Variants in PIAS1 observed in about 807,000 individuals in gnomAD.
The protein encoded by PIAS1 is E3 SUMO-protein ligase PIAS1.
Under a neutral mutation model 71.3 loss-of-function variants are expected in PIAS1, and 6 were observed. That is an observed-to-expected ratio of 0.08 (90% CI 0.05 to 0.17). The LOEUF (loss-of-function observed/expected upper bound fraction) is 0.17, where lower values mean the gene tolerates loss of function less well. Among genes scored for constraint, PIAS1 ranks in the 10% least tolerant of loss-of-function variants. The pLI, the probability that PIAS1 is intolerant of heterozygous loss-of-function variation, is 1.00. For missense variants in PIAS1, 555 were observed against 793.6 expected (o/e 0.70, Z 3.61); for synonymous variants, 303 against 292.9 (o/e 1.03, Z -0.35).
intron 1 of PIAS1, among the ~76,000 whole-genome samples, chr15:68,076,782 TATC>T (rs528688664): frequency 1.3e-5 from 2 of 152,176 alleles, no homozygotes; most frequent in African/African-American, 4.8e-5. Flanking sequence ...GAGGAATTCA[TATC>T]ATCATCTGTT....
chr15:68,086,778 T>C lies in PIAS1; in HGVS notation c.469+28T>C, dbSNP rs1000578288. Reference sequence around the variant, plus strand: ...AAGATTATTGTATGATAGTATTTGGTTACTTTTGCAGGATGAATTTTCGTT... The same window carrying C: ...AAGATTATTGTATGATAGTATTTGGCTACTTTTGCAGGATGAATTTTCGTT... On this transcript the variant is annotated intron_variant, in intron 2 of 13. Coordinates refer to ENST00000249636, the MANE Select transcript of PIAS1 (RefSeq NM_016166.3). This position sits in a 1 kb window ranked among gnomAD's most constrained non-coding sequence, Gnocchi z 7.2. 6 of 1,462,756 alleles carry C rather than the reference T, an allele frequency of 4.1e-6. No individual in the cohort carries two copies. The Admixed American group carries it at 5.4e-5, about 13-fold the overall frequency. The allele number at this position is 1,462,756 out of a possible 1,614,324, so 90.6% of individuals were successfully genotyped here.
chr15:68,069,599 G>A (rs2092070119), intron 1 of PIAS1, among the ~76,000 whole-genome samples: 1 of 152,022 alleles, frequency 6.6e-6, no homozygotes, highest in Admixed American at 6.6e-5. Context: ...TCAGGAGATC[G>A]AGACCATCCC....
intron 2 of PIAS1, among the ~76,000 whole-genome samples, chr15:68,106,211 C>T (rs1293653568): frequency 2.6e-5 from 4 of 151,058 alleles, no homozygotes; most frequent in Non-Finnish European, 5.9e-5. Flanking sequence ...TCATTTGCAC[C>T]CAGGGTTGGA....
chr15:68,192,998 G>C lies in PIAS1; in HGVS notation c.*5163G>C, dbSNP rs1595806743. The C allele has an allele frequency of 6.6e-6, 1 of 152,294 alleles. No individual in the cohort carries two copies. The highest frequency in any genetic ancestry group is 2.1e-4 in the South Asian group (1 of 4,832). The allele number at this position is 152,294 out of a possible 1,614,324, so 9.4% of individuals were successfully genotyped here. A position where few individuals can be genotyped will look rare whatever the true frequency, so the allele number is the denominator to read the frequency against. ...CTTCTAGCTGTGTAACTCACTCAAA[G>C]CCACTCCAGCTGGATGGACTCCCAG... On this transcript the variant is annotated 3_prime_UTR_variant, in exon 14 of 14. Coordinates refer to ENST00000249636, the MANE Select transcript of PIAS1 (RefSeq NM_016166.3).
At chr15:68,066,325 T>A (rs1041801418) in intron 1 of PIAS1, among the ~76,000 whole-genome samples, 2 of 151,996 alleles carry the variant, frequency 1.3e-5, no homozygotes, top group Non-Finnish European at 2.9e-5. Context: ...GCCAGGCTGG[T>A]CTTGAACTGC....
At position 68,173,798 on chromosome 15, in the gene PIAS1, G is replaced by A. The variant is rs1188255634; in HGVS notation, c.1075G>A (p.Ala359Thr). 1.3e-6 allele frequency: 2 copies of A among 1,598,004 alleles called. No individual in the cohort carries two copies. Among genetic ancestry groups the A allele is most frequent in the Non-Finnish European group, 1.7e-6 (2 of 1,168,596 alleles). Reference protein sequence around the residue: ...LTCSHLQCFDATLYIQMNEKK... With the variant: ...LTCSHLQCFDTTLYIQMNEKK... The stretch of plus-strand genomic sequence containing the variant: ...ATGTTCTCATCTACAATGTTTTGAC[G>A]CAACTCTTTACATTCAGATGAATGA... The change falls in exon 9 of 14, where the codon GCA (alanine) becomes ACA (threonine). Residue 359 changes from alanine (A) to threonine (T), a missense_variant. Around this residue, in one of 5 missense-constraint regions of PIAS1, gnomAD observed 49 missense variants for 129.2 expected, o/e 0.38. Coordinates refer to ENST00000249636, the MANE Select transcript of PIAS1 (RefSeq NM_016166.3). This position sits in a 1 kb window ranked among gnomAD's most constrained non-coding sequence, Gnocchi z 4.3.
rs2093081296 is a variant in PIAS1 at position 68,185,402 on chromosome 15, G to T, written c.1662+1735G>T. Among the ~76,000 whole-genome samples, 1 of 152,204 alleles carries T rather than the reference G, an allele frequency of 6.6e-6. No individual in the cohort carries two copies. The highest frequency in any genetic ancestry group is 2.1e-4 in the South Asian group (1 of 4,832). ...TCAAAGAATCTGCTAAGGATGAAGA[G>T]GTTGCAGAAATGGACAAGGCTGTGG... On this transcript the variant is annotated intron_variant, in intron 13 of 13. Transcript: ENST00000249636. This position sits in a 1 kb window ranked among gnomAD's most constrained non-coding sequence, Gnocchi z 4.4.
chr15:68,132,261 G>A (rs112003874), intron 2 of PIAS1, among the ~76,000 whole-genome samples: 8 of 151,668 alleles, frequency 5.3e-5, no homozygotes, highest in South Asian at 2.1e-4. Flanking sequence ...GGCGGATCAC[G>A]AGGTCAGGAG....
At chr15:68,140,053 A>T (rs140139036) in intron 2 of PIAS1, among the ~76,000 whole-genome samples, 1 of 152,214 alleles carries the variant, frequency 6.6e-6, no homozygotes, top group Admixed American at 6.5e-5. Flanking sequence ...GAAAGGTGCT[A>T]TTCTAGATAA....
At chr15:68,155,466 A>AAAAAAAAAAAAAC (rs1567067561) in intron 7 of PIAS1, among the ~76,000 whole-genome samples, 4 of 145,506 alleles carry the variant, frequency 2.7e-5, no homozygotes, top group Non-Finnish European at 3.0e-5. Context: ...AAAAAAAAAA[A>AAAAAAAAAAAAAC]AAAAAACCAA....
At chr15:68,154,974 A>G (rs910117906) in intron 7 of PIAS1, among the ~76,000 whole-genome samples, 2 of 152,208 alleles carry the variant, frequency 1.3e-5, no homozygotes, top group Admixed American at 6.5e-5. Flanking sequence ...TTGCCTCACA[A>G]TACTAGAATC....
chr15:68,111,402 T>A (rs1159860790), intron 2 of PIAS1, among the ~76,000 whole-genome samples: 2 of 152,178 alleles, frequency 1.3e-5, no homozygotes, highest in Non-Finnish European at 2.9e-5. Context: ...TGCAGGGGTG[T>A]AGTAATTTAA....
At chr15:68,126,227 C>T (rs2092649701) in intron 2 of PIAS1, among the ~76,000 whole-genome samples, 1 of 152,028 alleles carries the variant, frequency 6.6e-6, no homozygotes, top group Admixed American at 6.6e-5. Context: ...TCTCTGTTCT[C>T]TCTTTGGAAC....
At chr15:68,169,175 C>T (rs921356953) in intron 8 of PIAS1, among the ~76,000 whole-genome samples, 1 of 152,188 alleles carries the variant, frequency 6.6e-6, no homozygotes, top group Middle Eastern at 3.4e-3. Context: ...AGCAAAAGTA[C>T]CTTATAAAAT....
intron 2 of PIAS1, among the ~76,000 whole-genome samples, chr15:68,092,600 A>G (rs764666372): frequency 9.9e-5 from 15 of 152,166 alleles, no homozygotes; most frequent in Admixed American, 2.6e-4. Context: ...CTAATTCCCA[A>G]TGCAATAGTG....
At chr15:68,133,109 A>G (rs1231867739) in intron 2 of PIAS1, among the ~76,000 whole-genome samples, 3 of 151,824 alleles carry the variant, frequency 2.0e-5, no homozygotes, top group South Asian at 2.1e-4. Flanking sequence ...TCTTAGAGAG[A>G]TCACTCCCAT....
chr15:68,086,161 G>T lies in PIAS1; in HGVS notation c.25-145G>T. 3.6e-6 allele frequency: 2 copies of T among 563,338 alleles called. No homozygotes were observed. The highest frequency in any genetic ancestry group is 1.9e-5 in the African/African-American group (1 of 53,478). 34.9% of individuals were successfully genotyped at this position (563,338 alleles called of 1,614,324 possible). ...TACTTAACGTTAAATGATTAAATTT[G>T]AAGTTTGAAATAATAGGATTATAAG... On this transcript the variant is annotated intron_variant, in intron 1 of 13. Coordinates refer to ENST00000249636, the MANE Select transcript of PIAS1 (RefSeq NM_016166.3). This position sits in a 1 kb window ranked among gnomAD's most constrained non-coding sequence, Gnocchi z 7.2.
At chr15:68,114,676 T>G (rs1213415751) in intron 2 of PIAS1, among the ~76,000 whole-genome samples, 2 of 152,084 alleles carry the variant, frequency 1.3e-5, no homozygotes, top group African/African-American at 4.8e-5. Flanking sequence ...GTACAGCCTC[T>G]TAGATTAGCT....
intron 2 of PIAS1, among the ~76,000 whole-genome samples, chr15:68,110,087 C>T (rs748695705): frequency 2.0e-5 from 3 of 152,036 alleles, no homozygotes; most frequent in South Asian, 2.1e-4. Flanking sequence ...AACATGAAAC[C>T]GTTTTTCCTC....
Sources: allele counts gnomAD v4.1 joint callset (sites outside exome capture counted in the v4.1 genomes callset), GRCh38; gene constraint gnomAD v4.1.1; regional missense constraint gnomAD v4.1.1; non-coding constraint Gnocchi (gnomAD v3.1); transcripts MANE v1.5; gene names NCBI Gene and HGNC (gene_info 2026-07-23, HGNC 2026-07-21).